NOSTRIN: variants seen among roughly 807,000 people sequenced by gnomAD.
The protein encoded by NOSTRIN is BM247 homolog.
In NOSTRIN, 63 loss-of-function variants were observed where a neutral mutation model predicts 59.0. That is an observed-to-expected ratio of 1.07 (90% CI 0.87 to 1.32). The LOEUF is 1.32. NOSTRIN is among the 40% of genes most tolerant of loss of function. The probability of loss-of-function intolerance (pLI) is 0.00; values close to 1 mark genes in which losing one functional copy is unlikely to be tolerated. For synonymous variants in NOSTRIN, 200 were observed against 165.4 expected (o/e 1.21, Z -1.61); for missense variants, 512 against 473.1 (o/e 1.08, Z -0.76).
intron 15 of NOSTRIN, chr2:168,863,547 T>C (rs1689619458): frequency 1.0e-6 from 1 of 985,222 alleles, no homozygotes; most frequent in African/African-American, 1.7e-5. Flanking sequence ...TCTATGGAAT[T>C]CTCTTTATTT....
chr2:168,796,436 A>G (rs964856639), upstream of NOSTRIN, among the ~76,000 whole-genome samples: 1 of 152,188 alleles, frequency 6.6e-6, no homozygotes, highest in African/African-American at 2.4e-5. Flanking sequence ...TTGGTCTTCA[A>G]TACCAGCGGG....
intron 1 of NOSTRIN, among the ~76,000 whole-genome samples, chr2:168,806,279 C>A (rs1026383207): frequency 6.6e-6 from 1 of 151,994 alleles, no homozygotes; most frequent in Non-Finnish European, 1.5e-5. Flanking sequence ...CAAAAAAAAT[C>A]CTTCTGTACT....
chr2:168,837,304 T>TTC (rs1687788602), intron 7 of NOSTRIN, among the ~76,000 whole-genome samples: 1 of 121,286 alleles, frequency 8.2e-6, no homozygotes, highest in Admixed American at 8.1e-5. Context: ...TAACATCTTT[T>TTC]TTTTTTTTTT....
At chr2:168,854,639 C>T (rs1688967442) in intron 10 of NOSTRIN, among the ~76,000 whole-genome samples, 4 of 152,044 alleles carry the variant, frequency 2.6e-5, no homozygotes, top group Admixed American at 2.6e-4. Context: ...CTTTATTGTT[C>T]CTGACACATT....
chr2:168,799,410 T>A (rs2105508996), upstream of NOSTRIN, among the ~76,000 whole-genome samples: 1 of 152,264 alleles, frequency 6.6e-6, no homozygotes, highest in Non-Finnish European at 1.5e-5. Flanking sequence ...AAAGTCCCCT[T>A]GGGCCATTTT....
rs747094695 is a variant in NOSTRIN at position 168,828,479 on chromosome 2, T to C, written c.320T>C (p.Val107Ala). 1.1e-6 allele frequency: 1 copy of C among 871,086 alleles called. No homozygotes were observed. Among genetic ancestry groups the C allele is most frequent in the South Asian group, 1.3e-5 (1 of 75,778 alleles). 54.0% of individuals were successfully genotyped at this position (871,086 alleles called of 1,614,324 possible). ...AIKPTYQVLN[V>A]QEKKRKSLDN... Reference sequence around the variant, plus strand: ...AAACCGACTTATCAAGTCCTAAATGTACAAGAGAAGAAGAGAAAATCAGTG... The same window carrying C: ...AAACCGACTTATCAAGTCCTAAATGCACAAGAGAAGAAGAGAAAATCAGTG... Residue 107 changes from valine to alanine, a missense_variant, in exon 5 of 16, where the codon GTA becomes GCA. Physicochemically the swap from Val to Ala is moderately conservative, Grantham distance 64. Transcript: ENST00000317647.
At chr2:168,843,584 A>C (rs759522677) in intron 8 of NOSTRIN, among the ~76,000 whole-genome samples, 2 of 150,892 alleles carry the variant, frequency 1.3e-5, no homozygotes, top group Non-Finnish European at 2.9e-5. Flanking sequence ...ACACATAAAG[A>C]AGGAATTGTG....
At chr2:168,834,429 G>T in intron 7 of NOSTRIN, 104 bp downstream of exon 7, 3 of 586,760 alleles carry the variant, frequency 5.1e-6, no homozygotes, top group Non-Finnish European at 9.5e-6. Context: ...CTTCTCTGTG[G>T]GATTCCTGCA....
chr2:168,852,922 A>C (rs532209999), intron 10 of NOSTRIN, among the ~76,000 whole-genome samples: 7 of 152,328 alleles, frequency 4.6e-5, no homozygotes, highest in African/African-American at 1.7e-4. Flanking sequence ...TTTTCTTTCA[A>C]ATAATGTAGG....
chr2:168,804,348 A>G (rs532280653), intron 1 of NOSTRIN, among the ~76,000 whole-genome samples: 85 of 152,280 alleles, frequency 5.6e-4, no homozygotes, highest in Non-Finnish European at 1.1e-3. Flanking sequence ...ATTGCCACCA[A>G]AAGTATCCGG....
At chr2:168,808,493 C>T (rs894730580) in intron 1 of NOSTRIN, among the ~76,000 whole-genome samples, 4 of 152,194 alleles carry the variant, frequency 2.6e-5, no homozygotes, top group Admixed American at 6.5e-5. Context: ...GAATTTACTC[C>T]GTAAACATGC....
upstream of NOSTRIN, among the ~76,000 whole-genome samples, chr2:168,794,145 A>T (rs2105501227): frequency 6.6e-6 from 1 of 152,308 alleles, no homozygotes; most frequent in East Asian, 1.9e-4. Context: ...TCTCTCGTTA[A>T]TGCCTGGAAC....
At chr2:168,826,456 T>C (rs486153) in intron 3 of NOSTRIN, among the ~76,000 whole-genome samples, 77,094 of 151,406 alleles carry the variant, frequency 0.51, 20,498 homozygotes, top group African/African-American at 0.55. Flanking sequence ...TTCCCTCCCT[T>C]CCTCCCTTGC....
chr2:168,796,792 G>A (rs2105504913), upstream of NOSTRIN, among the ~76,000 whole-genome samples: 1 of 152,178 alleles, frequency 6.6e-6, no homozygotes, highest in East Asian at 1.9e-4. Flanking sequence ...CCATTTTAGA[G>A]TTCCTGCCCA....
upstream of NOSTRIN, among the ~76,000 whole-genome samples, chr2:168,801,550 G>A (rs556968249): frequency 1.3e-5 from 2 of 152,264 alleles, no homozygotes; most frequent in African/African-American, 4.8e-5. Context: ...AATGGAGCCT[G>A]CACACCAGGG....
chr2:168,826,471 T>C (rs935046173), intron 3 of NOSTRIN, among the ~76,000 whole-genome samples: 3 of 148,788 alleles, frequency 2.0e-5, no homozygotes, highest in African/African-American at 4.9e-5. Context: ...CCTTGCTTCC[T>C]TCGTTCCTTC....
At chr2:168,805,699 A>G (rs1685816010) in intron 1 of NOSTRIN, among the ~76,000 whole-genome samples, 1 of 152,032 alleles carries the variant, frequency 6.6e-6, no homozygotes, top group Non-Finnish European at 1.5e-5. Flanking sequence ...CGGCCATTGA[A>G]ATGGCACCAG....
At position 168,860,851 on chromosome 2, in the gene NOSTRIN, G is replaced by A; in HGVS notation, c.1236G>A (p.Glu412=). The part of the protein sequence containing the change: ...ISRPFLMKRL[E]NIVSKASSGG... ...GGCCTTTTTTAATGAAGAGATTAGA[G>A]AATATTGTGAGCAAGGCATCTTCTG... is the stretch of plus-strand genomic sequence containing the variant. The change falls in exon 14 of 16, where the codon GAG becomes GAA. Residue 412 remains glutamate, a synonymous_variant. Transcript: ENST00000317647. The A allele has an allele frequency of 6.2e-7, 1 of 1,614,040 alleles. No homozygotes were observed. The highest frequency in any genetic ancestry group is 8.5e-7 in the Non-Finnish European group (1 of 1,179,964).
intron 10 of NOSTRIN, among the ~76,000 whole-genome samples, chr2:168,853,278 A>T (rs1255839609): frequency 1.3e-5 from 2 of 152,234 alleles, no homozygotes; most frequent in African/African-American, 2.4e-5. Flanking sequence ...CAATAAGTGT[A>T]GGCTGGTTTT....
Sources: allele counts gnomAD v4.1 joint callset (sites outside exome capture counted in the v4.1 genomes callset), GRCh38; gene constraint gnomAD v4.1.1; transcripts MANE v1.5; gene names NCBI Gene and HGNC (gene_info 2026-07-23, HGNC 2026-07-21).